VAV3: variants seen among roughly 807,000 people sequenced by gnomAD.
VAV3 encodes the protein vav guanine nucleotide exchange factor 3, also known as guanine nucleotide exchange factor VAV3.
A neutral mutation model predicts 131.2 loss-of-function variants in VAV3; 94 were observed. The observed-to-expected ratio is 0.72, with a 90% CI of 0.61 to 0.85. VAV3 has a LOEUF of 0.85. Ranked by LOEUF, VAV3 falls within the 40% of genes least tolerant of loss-of-function variation. VAV3 has a pLI of 0.00. For missense variants in VAV3, 939 were observed against 1,002.7 expected (o/e 0.94, Z 0.86); for synonymous variants, 349 against 342.0 (o/e 1.02, Z -0.22).
At chr1:107,737,956 A>C (rs185425570) in intron 15 of VAV3, among the ~76,000 whole-genome samples, 2 of 152,348 alleles carry the variant, frequency 1.3e-5, no homozygotes, top group Non-Finnish European at 2.9e-5. Flanking sequence ...GAACTAACCC[A>C]AATGTCCAAC....
chr1:107,614,366 C>T (rs937143974), intron 21 of VAV3, among the ~76,000 whole-genome samples: 3 of 151,892 alleles, frequency 2.0e-5, no homozygotes, highest in Admixed American at 6.6e-5. Context: ...TCATGGACCC[C>T]GATAAACAAT....
At chr1:107,597,226 T>TAA (rs11294561) in intron 24 of VAV3, among the ~76,000 whole-genome samples, 15 of 137,996 alleles carry the variant, frequency 1.1e-4, no homozygotes, top group African/African-American at 3.4e-4. Flanking sequence ...AAATAAAAAA[T>TAA]AAAAAAAAAA....
At chr1:107,796,275 C>T (rs537115136) in intron 2 of VAV3, among the ~76,000 whole-genome samples, 300 of 152,286 alleles carry the variant, frequency 2.0e-3, no homozygotes, top group African/African-American at 7.0e-3. Flanking sequence ...CATCTCTAAA[C>T]TGAGTGGCAT....
intron 1 of VAV3, among the ~76,000 whole-genome samples, chr1:107,928,850 T>C (rs748909427): frequency 2.6e-5 from 4 of 152,002 alleles, no homozygotes; most frequent in African/African-American, 7.2e-5. Flanking sequence ...AAAGGGATAA[T>C]AAAACAGAAC....
chr1:107,947,953 C>T (rs345281), intron 1 of VAV3, among the ~76,000 whole-genome samples: 92,186 of 151,856 alleles, frequency 0.61, 29,823 homozygotes, highest in Middle Eastern at 0.76. Flanking sequence ...CTTATGGTGA[C>T]GCCTAAACAT....
chr1:107,952,276 A>C (rs1246918901), intron 1 of VAV3, among the ~76,000 whole-genome samples: 1 of 151,760 alleles, frequency 6.6e-6, no homozygotes, highest in Non-Finnish European at 1.5e-5. Flanking sequence ...ACATGGGCAC[A>C]CGGAGGGGAA....
rs148798511 is a variant in VAV3, at chr1:107,861,662, G to C, written c.321+13239C>G. Among the ~76,000 whole-genome samples, 118 of 151,478 alleles carry C rather than the reference G, an allele frequency of 7.8e-4. 5 individuals are homozygous for C. The East Asian group carries it at 0.022, about 28-fold the overall frequency. Reference sequence around the variant, plus strand: ...TAGTGTCCAGTGTCCACCCATATCCGAATATAACCATTCTAGATTGATCAT... The same window carrying C: ...TAGTGTCCAGTGTCCACCCATATCCCAATATAACCATTCTAGATTGATCAT... On this transcript the variant is annotated intron_variant, in intron 2 of 26. Coordinates refer to ENST00000370056, the MANE Select transcript of VAV3 (RefSeq NM_006113.5).
chr1:107,705,875 C>T (rs1251568287), intron 15 of VAV3, among the ~76,000 whole-genome samples: 1 of 152,144 alleles, frequency 6.6e-6, no homozygotes, highest in African/African-American at 2.4e-5. Context: ...GGAACTCTAA[C>T]TCAGGTCTTT....
intron 19 of VAV3, among the ~76,000 whole-genome samples, chr1:107,660,466 A>G (rs1656928831): frequency 6.6e-6 from 1 of 152,224 alleles, no homozygotes; most frequent in Middle Eastern, 3.2e-3. Context: ...ATTTCTTCAC[A>G]GAAAGAAAGA....
At position 107,749,481 on chromosome 1, in the gene VAV3, G is replaced by GT. The variant is rs1663569938; in HGVS notation, c.1372dup (p.Thr458AsnfsTer3). 1 of 1,601,376 alleles carries GT rather than the reference G, an allele frequency of 6.2e-7. No homozygotes were observed. The highest frequency in any genetic ancestry group is 8.5e-7 in the Non-Finnish European group (1 of 1,176,818). The stretch of plus-strand genomic sequence containing the variant: ...AGTCACCTTTTTGTTTTCTTTATCG[G>GT]TTGTAGGATTATTGGCTATCTTGTA... On this transcript the variant is annotated frameshift_variant, in exon 14 of 27. Transcript: ENST00000370056. LOFTEE classifies it high-confidence loss of function.
At chr1:107,638,420 ACT>A (rs1655091038) in intron 20 of VAV3, among the ~76,000 whole-genome samples, 1 of 152,172 alleles carries the variant, frequency 6.6e-6, no homozygotes, top group Non-Finnish European at 1.5e-5. Flanking sequence ...AAATATTAAA[ACT>A]CATTTATAAT....
chr1:107,717,077 T>C (rs1010641107), intron 15 of VAV3, among the ~76,000 whole-genome samples: 1 of 152,352 alleles, frequency 6.6e-6, no homozygotes, highest in East Asian at 1.9e-4. Context: ...GTGGGATCGA[T>C]GGTGATATCC....
chr1:107,877,958 G>A lies in VAV3; in HGVS notation c.205-2941C>T, dbSNP rs182939802. Among the ~76,000 whole-genome samples the A allele has an allele frequency of 1.5e-3, 230 of 152,286 alleles. 2 individuals are homozygous for A. In the Middle Eastern group the frequency reaches 0.034, roughly 23 times the overall value. On this transcript the variant is annotated intron_variant, in intron 1 of 26. Coordinates refer to ENST00000370056, the MANE Select transcript of VAV3 (RefSeq NM_006113.5). ...AACAGAGCTGAGGAATAGAGGAAGT[G>A]AGGCTGCCAGCCTGCCAGCAGTCCA...
chr1:107,704,076 T>C (rs761480319), intron 17 of VAV3, among the ~76,000 whole-genome samples: 1 of 152,228 alleles, frequency 6.6e-6, no homozygotes, highest in Non-Finnish European at 1.5e-5. Context: ...AATGACAATG[T>C]ATTCAATTCA....
At chr1:107,939,847 T>G (rs1336465137) in intron 1 of VAV3, among the ~76,000 whole-genome samples, 2 of 151,272 alleles carry the variant, frequency 1.3e-5, no homozygotes, top group Admixed American at 6.6e-5. Flanking sequence ...ACTTAATATC[T>G]CCCCCCACCC....
At chr1:107,953,342 G>C (rs1251217636) in intron 1 of VAV3, among the ~76,000 whole-genome samples, 1 of 152,130 alleles carries the variant, frequency 6.6e-6, no homozygotes. Context: ...CCATGTACCA[G>C]GCATTTAAAT....
chr1:107,926,288 AAAAACAAAAC>A (rs1173302064), intron 1 of VAV3, among the ~76,000 whole-genome samples: 1 of 152,038 alleles, frequency 6.6e-6, no homozygotes, highest in African/African-American at 2.4e-5. Flanking sequence ...TCTCAAAAAC[AAAAACAAAAC>A]AAAACAAAAA....
In VAV3 at chr1:107,596,245, C is replaced by T; in HGVS notation, c.2317G>A (p.Ala773Thr). 2 of 1,613,604 alleles carry T rather than the reference C, an allele frequency of 1.2e-6. No homozygotes were observed. Among genetic ancestry groups the T allele is most frequent in the Non-Finnish European group, 8.5e-7 (1 of 1,179,598 alleles). Residue 773 changes from alanine to threonine, a missense_variant, in exon 25 of 27, where the codon GCT (alanine) becomes ACT (threonine). Physicochemically the swap from Ala to Thr is moderately conservative, Grantham distance 58. Transcript: ENST00000370056. ...CCTGCTCTATTACCCCTCTGTCCAG[C>T]TGAATGTTCTGGCTCCTTGTATGGA... ...QFPYKEPEHS[A>T]GQRGNRAGNS... is the part of the protein sequence containing the mutation.
intron 2 of VAV3, among the ~76,000 whole-genome samples, chr1:107,792,350 T>A (rs1415593294): frequency 1.3e-5 from 2 of 152,180 alleles, no homozygotes; most frequent in African/African-American, 2.4e-5. Flanking sequence ...CTAAAATAAT[T>A]CCTTTAAAAA....
Sources: gnomAD v4.1 joint callset for allele counts (sites outside exome capture counted in the v4.1 genomes callset) on GRCh38, gnomAD v4.1.1 for gene constraint, MANE v1.5 for transcripts, NCBI Gene and HGNC (gene_info 2026-07-23, HGNC 2026-07-21) for gene names.